Variants in NME5 observed in about 807,000 individuals in gnomAD.
The protein encoded by NME5 is nucleoside diphosphate kinase 5.
Under a neutral mutation model 21.6 loss-of-function variants are expected in NME5, and 18 were observed. That is an observed-to-expected ratio of 0.83 (90% CI 0.58 to 1.24). NME5 has a LOEUF of 1.24. NME5 is among the 50% of genes most tolerant of loss of function. The pLI is 0.00. For synonymous variants in NME5, 70 were observed against 80.6 expected, an observed-to-expected ratio of 0.87 and a Z score of 0.71; for missense variants, 223 against 255.4, an observed-to-expected ratio of 0.87 and a Z score of 0.86.
chr5:138,138,749 T>A lies in NME5; in HGVS notation c.32A>T (p.Tyr11Phe), dbSNP rs1751783896. 1 of 1,612,930 alleles carries A rather than the reference T, an allele frequency of 6.2e-7. No homozygotes were observed. The highest frequency in any genetic ancestry group is 1.1e-5 in the South Asian group (1 of 90,932). The change falls in exon 2 of 6, where the codon TAT becomes TTT. Residue 11 changes from tyrosine to phenylalanine, a missense_variant. By Grantham distance (22) the Tyr-to-Phe change is conservative. Transcript: ENST00000265191. MEISMPPPQI[Y>F]VEKTLAIIKP... ...GATAATGGCCAGAGTTTTTTCTACA[T>A]ATATCTGAGGTGGAGGCATTGATAT...
chr5:138,124,458 A>C (rs1751355340), intron 4 of NME5, among the ~76,000 whole-genome samples: 1 of 152,178 alleles, frequency 6.6e-6, no homozygotes, highest in African/African-American at 2.4e-5. Context: ...TTAACCCCTT[A>C]TCAGATACAT....
intron 4 of NME5, among the ~76,000 whole-genome samples, chr5:138,125,356 A>G (rs1364552242): frequency 6.6e-6 from 1 of 152,200 alleles, no homozygotes; most frequent in Non-Finnish European, 1.5e-5. Flanking sequence ...TGAATTAGCC[A>G]TTTATATTAA....
At chr5:138,131,204 TAAAAAA>T (rs762579967) in intron 2 of NME5, among the ~76,000 whole-genome samples, 7 of 80,878 alleles carry the variant, frequency 8.7e-5, no homozygotes, top group African/African-American at 1.8e-4. Context: ...CCGTCTCTGC[TAAAAAA>T]AAAAAAAAAA....
At chr5:138,130,066 T>A (rs774001787) in intron 2 of NME5, among the ~76,000 whole-genome samples, 35 of 152,244 alleles carry the variant, frequency 2.3e-4, no homozygotes, top group Non-Finnish European at 3.2e-4. Context: ...TTAAAAATAT[T>A]CCAAATTCAT....
At chr5:138,128,636 A>G in intron 3 of NME5, 57 bp from the exon 4 acceptor site, 1 of 1,150,888 alleles carries the variant, frequency 8.7e-7, no homozygotes, top group Non-Finnish European at 1.3e-6. Context: ...CTTACTTTAT[A>G]TGCATGCATT....
chr5:138,130,953 G>A (rs538024193), intron 2 of NME5, among the ~76,000 whole-genome samples: 7 of 148,934 alleles, frequency 4.7e-5, no homozygotes, highest in East Asian at 2.0e-4. Context: ...AAATTAGGTC[G>A]GGTGTGGTGG....
intron 3 of NME5, 109 bp downstream of exon 3, chr5:138,129,154 A>T: frequency 1.1e-6 from 1 of 932,414 alleles, no homozygotes; most frequent in Non-Finnish European, 1.6e-6. Flanking sequence ...TTGATTTTGG[A>T]AAACTTCCAA....
intron 2 of NME5, among the ~76,000 whole-genome samples, chr5:138,133,396 C>T (rs911481777): frequency 1.3e-5 from 2 of 152,008 alleles, no homozygotes; most frequent in African/African-American, 4.8e-5. Flanking sequence ...TGAGCCACCG[C>T]GCCCGGCCTT....
intron 4 of NME5, among the ~76,000 whole-genome samples, chr5:138,128,070 G>T (rs2151164324): frequency 6.6e-6 from 1 of 152,178 alleles, no homozygotes; most frequent in South Asian, 2.1e-4. Context: ...AAGAAAATTA[G>T]CTGGGCATGG....
Position 138,117,844 on chromosome 5 carries a change from G to A in NME5, c.555+974C>T, listed in dbSNP as rs557795216. The stretch of plus-strand genomic sequence containing the variant: ...CTAAAAATACAAAAATTACCCGGGC[G>A]TGGTGGTGTTCGCCTGTAAATCCCA... On this transcript the variant is annotated intron_variant, in intron 5 of 5. Transcript: ENST00000265191. Among the ~76,000 whole-genome samples, 72 of 151,938 alleles carry A rather than the reference G, an allele frequency of 4.7e-4. 1 individual carries two copies. The highest frequency in any genetic ancestry group is 3.8e-3 in the Admixed American group (58 of 15,246).
At chr5:138,115,819 A>T (rs1372309169) in intron 5 of NME5, 55 bp from the exon 6 acceptor site, 8 of 1,167,026 alleles carry the variant, frequency 6.9e-6, no homozygotes, top group Non-Finnish European at 9.8e-6. Context: ...ATTTCCTTTC[A>T]ATATATACTA....
chr5:138,115,747 C>G lies in NME5; in HGVS notation c.573G>C (p.Trp191Cys). Residue 191 changes from tryptophan (W) to cysteine (C), a missense_variant, in exon 6 of 6, where the codon TGG (tryptophan) becomes TGC (cysteine). Trp to Cys is a radical substitution (Grantham distance 215). Transcript: ENST00000265191. ...GTTTGTTAGGATTATTTTTCAGCAG[C>G]CAATCAGCTAGCCAAATCTATGGGA... ...PADPLIWLAD[W>C]LLKNNPNKPK... 1 of 1,578,078 alleles carries G rather than the reference C, an allele frequency of 6.3e-7. No individual in the cohort carries two copies. Among genetic ancestry groups the G allele is most frequent in the Non-Finnish European group, 8.6e-7 (1 of 1,168,634 alleles).
In NME5 at chr5:138,115,531, A is replaced by G; in HGVS notation, c.*150T>C. The G allele has an allele frequency of 2.1e-6, 1 of 483,514 alleles. No individual in the cohort carries two copies. The highest frequency in any genetic ancestry group is 3.6e-6 in the Non-Finnish European group (1 of 279,030). 30.0% of individuals were successfully genotyped at this position (483,514 alleles called of 1,614,324 possible). ...TTTACCTTAATGTTATCTGCTTCAT[A>G]GAATAGTTATTCCTTTAACACTTAT... On this transcript the variant is annotated 3_prime_UTR_variant, in exon 6 of 6. Transcript: ENST00000265191.
In NME5 at chr5:138,135,985, A is replaced by G. The variant is rs892709768; in HGVS notation, c.129+2667T>C. Among the ~76,000 whole-genome samples, 11 of 152,328 alleles carry G rather than the reference A, an allele frequency of 7.2e-5. No individual in the cohort carries two copies. The East Asian group carries it at 1.5e-3, about 21-fold the overall frequency. On this transcript the variant is annotated intron_variant, in intron 2 of 5. Transcript: ENST00000265191. ...ACACACTTTGCTTTCTTCCGTTAAC[A>G]GTACAGACAGGTTCCTCATTCTTCT...
chr5:138,118,674 G>C, intron 5 of NME5, 144 bp downstream of exon 5: 2 of 492,712 alleles, frequency 4.1e-6, no homozygotes. Context: ...TAGTACAGAC[G>C]GGGTTTCACC....
chr5:138,121,233 T>G (rs904863425), intron 4 of NME5, among the ~76,000 whole-genome samples: 5 of 151,892 alleles, frequency 3.3e-5, no homozygotes, highest in Admixed American at 1.3e-4. Context: ...AATACCAGCC[T>G]GGGCAATATG....
intron 2 of NME5, among the ~76,000 whole-genome samples, chr5:138,134,401 G>A (rs982656674): frequency 1.1e-4 from 17 of 151,962 alleles, no homozygotes; most frequent in African/African-American, 3.1e-4. Context: ...CCACCACCAC[G>A]CCCGGCTAAT....
intron 2 of NME5, chr5:138,138,449 G>A (rs182060684): frequency 1.1e-4 from 51 of 460,110 alleles, no homozygotes; most frequent in East Asian, 9.2e-4. Flanking sequence ...TGGGGTAAAA[G>A]AGGACAGGTG....
At chr5:138,127,477 C>T in intron 4 of NME5, 1 of 976,116 alleles carries the variant, frequency 1.0e-6, no homozygotes, top group Non-Finnish European at 1.2e-6. Flanking sequence ...GAATGAATAT[C>T]CAGTGGAAAA....
Sources: allele counts gnomAD v4.1 joint callset (sites outside exome capture counted in the v4.1 genomes callset), GRCh38; gene constraint gnomAD v4.1.1; transcripts MANE v1.5; gene names NCBI Gene and HGNC (gene_info 2026-07-23, HGNC 2026-07-21).